The following FLT1 variants were observed in gnomAD, a reference collection of about 807,000 sequenced individuals.
FLT1 encodes the protein vascular endothelial growth factor receptor 1.
FLT1 carries 49 observed loss-of-function variants against 156.3 expected under a neutral mutation model. The ratio of observed to expected loss-of-function variants is 0.31; its 90% confidence interval spans 0.25 to 0.40. The LOEUF is 0.40. FLT1 is among the 10% of genes least tolerant of loss of function. The pLI is 1.00. For missense variants in FLT1, 1,322 were observed against 1,637.2 expected (o/e 0.81, Z 3.32); for synonymous variants, 594 against 583.8 (o/e 1.02, Z -0.25).
chr13:28,475,133 C>T (rs1880469752), intron 1 of FLT1, among the ~76,000 whole-genome samples: 1 of 152,176 alleles, frequency 6.6e-6, no homozygotes, highest in African/African-American at 2.4e-5. Flanking sequence ...GTTCCCTCCC[C>T]CGTTACAATC....
chr13:28,465,563 C>T (rs939389784), intron 3 of FLT1, among the ~76,000 whole-genome samples: 13 of 152,148 alleles, frequency 8.5e-5, no homozygotes, highest in African/African-American at 3.1e-4. Context: ...AATCTCATGG[C>T]CAGGCACGGT....
intron 3 of FLT1, chr13:28,466,688 T>C: frequency 6.2e-6 from 4 of 647,114 alleles, no homozygotes. Flanking sequence ...TACAGACCAG[T>C]CTCTCTCTTT....
chr13:28,428,022 C>G, intron 8 of FLT1, 101 bp from the exon 9 acceptor site: 2 of 991,036 alleles, frequency 2.0e-6, no homozygotes, highest in Admixed American at 3.5e-5. Context: ...TGACCAATTT[C>G]AAACCTTTGA....
chr13:28,344,029 T>G (rs1432673781), intron 16 of FLT1, among the ~76,000 whole-genome samples: 1 of 147,136 alleles, frequency 6.8e-6, no homozygotes, highest in Non-Finnish European at 1.5e-5. Flanking sequence ...CCGGGTCCAT[T>G]CTTCTCACAG....
At chr13:28,461,301 T>C (rs917387428) in intron 3 of FLT1, among the ~76,000 whole-genome samples, 3 of 152,230 alleles carry the variant, frequency 2.0e-5, no homozygotes, top group Non-Finnish European at 4.4e-5. Flanking sequence ...ATAATCTATG[T>C]TCTTAACAAT....
intron 4 of FLT1, among the ~76,000 whole-genome samples, chr13:28,436,567 G>A (rs1486518175): frequency 6.6e-6 from 1 of 152,138 alleles, no homozygotes; most frequent in Non-Finnish European, 1.5e-5. Context: ...TGCTCCTGAT[G>A]ACCAAACAAC....
chr13:28,360,426 G>A (rs1178021128), intron 14 of FLT1, among the ~76,000 whole-genome samples: 3 of 152,170 alleles, frequency 2.0e-5, no homozygotes, highest in African/African-American at 7.2e-5. Context: ...GCCAAGATAT[G>A]GAGGCAACCT....
At chr13:28,491,585 A>T (rs1468827666) in intron 1 of FLT1, among the ~76,000 whole-genome samples, 1 of 152,206 alleles carries the variant, frequency 6.6e-6, no homozygotes. Flanking sequence ...GGCCAAATTG[A>T]CTGGCTGTTT....
At chr13:28,448,159 G>C (rs1878722231) in intron 3 of FLT1, among the ~76,000 whole-genome samples, 1 of 152,210 alleles carries the variant, frequency 6.6e-6, no homozygotes, top group South Asian at 2.1e-4. Context: ...ACTGCTGGTG[G>C]GAATGTGAAG....
chr13:28,428,473 C>G (rs1425836455), intron 8 of FLT1, among the ~76,000 whole-genome samples: 3 of 130,428 alleles, frequency 2.3e-5, no homozygotes, highest in Non-Finnish European at 4.9e-5. Context: ...AGTTAAGGCA[C>G]AGAAAAAAAA....
chr13:28,427,129 A>G, intron 10 of FLT1, 30 bp downstream of exon 10: 1 of 1,604,988 alleles, frequency 6.2e-7, no homozygotes. Context: ...AAAGTATTTG[A>G]AAGTTAGTAA....
intron 1 of FLT1, among the ~76,000 whole-genome samples, chr13:28,494,212 C>T (rs1881625390): frequency 1.3e-5 from 2 of 152,246 alleles, no homozygotes; most frequent in South Asian, 4.1e-4. Context: ...TGAGATCCTC[C>T]TGCTCCCCCG....
intron 11 of FLT1, among the ~76,000 whole-genome samples, chr13:28,401,456 C>T (rs991619854): frequency 6.6e-6 from 1 of 152,190 alleles, no homozygotes; most frequent in Non-Finnish European, 1.5e-5. Context: ...CTTCCTTCCC[C>T]TTCACTAAGC....
At chr13:28,461,129 C>T (rs1356310932) in intron 3 of FLT1, among the ~76,000 whole-genome samples, 2 of 146,410 alleles carry the variant, frequency 1.4e-5, no homozygotes, top group African/African-American at 5.4e-5. Context: ...GATGCCCCAG[C>T]TCCTAGCTTT....
rs757234488 is a variant in FLT1 at position 28,390,134 on chromosome 13, C to T, written c.1661-30G>A. 3 of 1,606,130 alleles carry T rather than the reference C, an allele frequency of 1.9e-6. No individual in the cohort carries two copies. The African/African-American group carries it at 4.0e-5, about 21-fold the overall frequency. On this transcript the variant is annotated intron_variant, in intron 12 of 29. Coordinates refer to ENST00000282397, the MANE Select transcript of FLT1 (RefSeq NM_002019.4). ...AAAATAAGAATAAAGAACTTCAGTT[C>T]ACAGAAAAATCAGTGTCTTTTAATG...
intron 3 of FLT1, among the ~76,000 whole-genome samples, chr13:28,452,002 T>A (rs886225870): frequency 2.0e-4 from 31 of 152,162 alleles, no homozygotes; most frequent in Admixed American, 1.5e-3. Context: ...TGGCTAGTGT[T>A]TCCAGTTTTT....
chr13:28,467,695 G>A (rs1309437100), intron 1 of FLT1, 78 bp from the exon 2 acceptor site: 2 of 760,510 alleles, frequency 2.6e-6, no homozygotes, highest in Non-Finnish European at 4.3e-6. Flanking sequence ...CCATGAAGGT[G>A]AGTTTTTCAT....
At chr13:28,398,921 A>G in intron 11 of FLT1, 1 of 691,478 alleles carries the variant, frequency 1.4e-6, no homozygotes, top group South Asian at 1.7e-5. Context: ...TCCATGGGAA[A>G]GTGTACGAAA....
At chr13:28,371,432 A>G (rs1311491130) in intron 14 of FLT1, among the ~76,000 whole-genome samples, 1 of 152,106 alleles carries the variant, frequency 6.6e-6, no homozygotes, top group African/African-American at 2.4e-5. Context: ...CAGGATGTGA[A>G]CCTTCCCTTT....
Sources: gnomAD v4.1 joint callset for allele counts (sites outside exome capture counted in the v4.1 genomes callset) on GRCh38, gnomAD v4.1.1 for gene constraint, MANE v1.5 for transcripts, NCBI Gene and HGNC (gene_info 2026-07-23, HGNC 2026-07-21) for gene names.